GXYLT2: variants seen among roughly 807,000 people sequenced by gnomAD.
GXYLT2 encodes glycosyltransferase 8 domain containing 4.
A neutral mutation model predicts 45.8 loss-of-function variants in GXYLT2; 53 were observed. That is an observed-to-expected ratio of 1.16 (90% confidence interval 0.93 to 1.46). The LOEUF (loss-of-function observed/expected upper bound fraction) is 1.46, where lower values mean the gene tolerates loss of function less well. Ranked by LOEUF, GXYLT2 falls within the 40% of genes most tolerant of loss-of-function variation. The pLI is 0.00. For synonymous variants in GXYLT2, 219 were observed against 214.2 expected (o/e 1.02, Z -0.19); for missense variants, 551 against 544.4 (o/e 1.01, Z -0.12).
chr3:72,912,005 A>ATTTTTT (rs1264223820), intron 2 of GXYLT2, among the ~76,000 whole-genome samples: 2 of 126,510 alleles, frequency 1.6e-5, no homozygotes, highest in African/African-American at 7.7e-5. Flanking sequence ...ATATATATAT[A>ATTTTTT]TATATATATT....
At chr3:72,970,496 A>T (rs191808929) in intron 6 of GXYLT2, among the ~76,000 whole-genome samples, 5 of 152,226 alleles carry the variant, frequency 3.3e-5, no homozygotes, top group Admixed American at 2.6e-4. Flanking sequence ...CAAATTAAAA[A>T]AAAGAAAATA....
chr3:72,971,945 T>A (rs6793361), intron 6 of GXYLT2, among the ~76,000 whole-genome samples: 1,686 of 143,362 alleles, frequency 0.012, 28 homozygotes, highest in African/African-American at 0.042. Context: ...TGACACTCCA[T>A]CTAAAAAAAA....
At chr3:72,943,805 G>T (rs969495765) in intron 3 of GXYLT2, among the ~76,000 whole-genome samples, 1 of 151,848 alleles carries the variant, frequency 6.6e-6, no homozygotes, top group East Asian at 1.9e-4. Context: ...GCATCTTCCC[G>T]AGCTGAAACT....
chr3:72,944,571 G>A (rs866394980), intron 3 of GXYLT2, among the ~76,000 whole-genome samples: 1 of 152,012 alleles, frequency 6.6e-6, no homozygotes, highest in Admixed American at 6.6e-5. Flanking sequence ...ATGTATGTAG[G>A]TGATATCTTC....
intron 3 of GXYLT2, among the ~76,000 whole-genome samples, chr3:72,953,638 G>C (rs1238548468): frequency 6.6e-6 from 1 of 152,136 alleles, no homozygotes; most frequent in Non-Finnish European, 1.5e-5. Flanking sequence ...TCTGTTATCA[G>C]TGGCTGCTTT....
At chr3:72,905,479 A>G (rs1709493727) in intron 1 of GXYLT2, among the ~76,000 whole-genome samples, 2 of 152,148 alleles carry the variant, frequency 1.3e-5, no homozygotes, top group African/African-American at 2.4e-5. Flanking sequence ...TTTCACTGCT[A>G]TATGGTATTC....
chr3:72,975,957 A>C lies in GXYLT2; in HGVS notation c.*798A>C, dbSNP rs1711093756. ...TTTTTTTTTTTTTTTTTTGAGACGGAATCTCACTCTGTAGCCCAGGCTAGA... is the reference window on the plus strand; with the variant it reads ...TTTTTTTTTTTTTTTTTTGAGACGGCATCTCACTCTGTAGCCCAGGCTAGA... On this transcript the variant is annotated 3_prime_UTR_variant, in exon 7 of 7. Coordinates refer to ENST00000389617, the MANE Select transcript of GXYLT2 (RefSeq NM_001080393.2). 7.6e-6 allele frequency: 1 copy of C among 131,322 alleles called. No homozygotes were observed. The highest frequency in any genetic ancestry group is 2.3e-4 in the South Asian group (1 of 4,292). 8.1% of individuals were successfully genotyped at this position (131,322 alleles called of 1,614,324 possible).
intron 1 of GXYLT2, among the ~76,000 whole-genome samples, chr3:72,898,396 A>G (rs1440551024): frequency 2.6e-5 from 4 of 152,182 alleles, no homozygotes; most frequent in Admixed American, 2.0e-4. Context: ...CTGCAGATTC[A>G]TATTTTAAAA....
At chr3:72,895,502 T>G (rs754399186) in intron 1 of GXYLT2, among the ~76,000 whole-genome samples, 5 of 152,242 alleles carry the variant, frequency 3.3e-5, no homozygotes, top group African/African-American at 9.6e-5. Flanking sequence ...TTGACACGGT[T>G]CCTTTTAAAA....
At chr3:72,888,712 A>T (rs1290863796) in intron 1 of GXYLT2, among the ~76,000 whole-genome samples, 2 of 152,192 alleles carry the variant, frequency 1.3e-5, no homozygotes, top group East Asian at 3.9e-4. Context: ...ATAATCACGT[A>T]CATTTTTTGA....
intron 3 of GXYLT2, among the ~76,000 whole-genome samples, chr3:72,936,055 G>C (rs1710170064): frequency 6.6e-6 from 1 of 152,146 alleles, no homozygotes; most frequent in South Asian, 2.1e-4. Context: ...ACTTTGGGAG[G>C]CCAAAGTGGG....
intron 3 of GXYLT2, among the ~76,000 whole-genome samples, chr3:72,946,279 A>G (rs1710404246): frequency 8.9e-5 from 1 of 11,214 alleles, no homozygotes. Context: ...CCTGTCTGAA[A>G]AAAAAAAAAA....
Position 72,936,187 on chromosome 3 carries a change from G to A in GXYLT2, c.600+13852G>A, listed in dbSNP as rs1321479971. 2.6e-5 allele frequency among the ~76,000 whole-genome samples: 4 copies of A among 151,878 alleles called. No individual in the cohort carries two copies. The South Asian group carries it at 6.2e-4, about 24-fold the overall frequency. On this transcript the variant is annotated intron_variant, in intron 3 of 6. Coordinates refer to ENST00000389617, the MANE Select transcript of GXYLT2 (RefSeq NM_001080393.2). ...GCGCCTGTAGTCCCAGCTATTTCCC[G>A]AGGCTGAGGCAGGAGAATTGCTTGA...
chr3:72,893,829 T>C (rs61674677), intron 1 of GXYLT2, among the ~76,000 whole-genome samples: 3,482 of 152,156 alleles, frequency 0.023, 115 homozygotes, highest in African/African-American at 0.079. Context: ...GTTTTATTTT[T>C]TATTACTTTT....
rs1039661826 is a variant in GXYLT2 at position 72,952,161 on chromosome 3, C to T, written c.601-2937C>T. On this transcript the variant is annotated intron_variant, in intron 3 of 6. Transcript: ENST00000389617. ...TGAATTACAGGCACACACCACAACC[C>T]CCGGCTAATTTTTGTATTTTTAGTA... Among the ~76,000 whole-genome samples the T allele has an allele frequency of 7.9e-5, 12 of 151,908 alleles. No homozygotes were observed. In the South Asian group the frequency reaches 1.2e-3, roughly 16 times the overall value.
chr3:72,902,689 TA>T (rs71616853), intron 1 of GXYLT2, among the ~76,000 whole-genome samples: 5 of 148,158 alleles, frequency 3.4e-5, no homozygotes, highest in Admixed American at 3.3e-4. Context: ...AATAAATAAA[TA>T]AAATAAATAA....
intron 3 of GXYLT2, among the ~76,000 whole-genome samples, chr3:72,948,824 A>C (rs564430786): frequency 5.4e-5 from 8 of 147,014 alleles, no homozygotes; most frequent in Non-Finnish European, 1.0e-4. Flanking sequence ...TGACAGAGCA[A>C]GATTCTGTCT....
chr3:72,892,309 T>C (rs780481744), intron 1 of GXYLT2, among the ~76,000 whole-genome samples: 1 of 152,228 alleles, frequency 6.6e-6, no homozygotes, highest in Non-Finnish European at 1.5e-5. Context: ...GCGCTCTTAC[T>C]GATTACTCAA....
At chr3:72,925,660 TG>T (rs1216226250) in intron 3 of GXYLT2, among the ~76,000 whole-genome samples, 2 of 152,216 alleles carry the variant, frequency 1.3e-5, no homozygotes, top group Non-Finnish European at 2.9e-5. Context: ...AAGGTAATGT[TG>T]GGAAATGGTC....
Sources: allele counts gnomAD v4.1 joint callset (sites outside exome capture counted in the v4.1 genomes callset), GRCh38; gene constraint gnomAD v4.1.1; transcripts MANE v1.5; gene names NCBI Gene and HGNC (gene_info 2026-07-23, HGNC 2026-07-21).